Variants in ZNF862 observed in about 807,000 individuals in gnomAD.
The protein encoded by ZNF862 is zinc finger protein 862.
Under a neutral mutation model 91.1 loss-of-function variants are expected in ZNF862, and 64 were observed. The observed-to-expected ratio is 0.70, with a 90% CI of 0.57 to 0.87. ZNF862 has a LOEUF of 0.87. Ranked by LOEUF, ZNF862 falls within the 40% of genes least tolerant of loss-of-function variation. The pLI, the probability that ZNF862 is intolerant of heterozygous loss-of-function variation, is 0.00. For synonymous variants in ZNF862, 631 were observed against 618.1 expected (o/e 1.02, Z -0.31); for missense variants, 1,459 against 1,528.0 (o/e 0.95, Z 0.75).
At chr7:149,862,563 G>A (rs553592610) in intron 7 of ZNF862, 69 bp downstream of exon 7, 334 of 1,460,142 alleles carry the variant, frequency 2.3e-4, no homozygotes, top group Non-Finnish European at 1.5e-4. Context: ...AGACAGGACT[G>A]CAGGTGCCTG....
At chr7:149,838,769 C>T (rs1287213040) in intron 1 of ZNF862, 134 bp downstream of exon 1, 3 of 564,938 alleles carry the variant, frequency 5.3e-6, no homozygotes, top group African/African-American at 1.9e-5. Flanking sequence ...CCGGCCCGCC[C>T]TCTCTTCCCG....
chr7:149,844,751 C>A lies in ZNF862; in HGVS notation c.136+15C>A. 1 of 1,496,804 alleles carries A rather than the reference C, an allele frequency of 6.7e-7. No homozygotes were observed. The highest frequency in any genetic ancestry group is 9.2e-7 in the Non-Finnish European group (1 of 1,092,412). The allele number at this position is 1,496,804 out of a possible 1,614,324, so 92.7% of individuals were successfully genotyped here. ...GGCACCACTGGGTATGGGTGCCCAT[C>A]CACATCCCTGCCACTGTCAATTTAG... On this transcript the variant is annotated intron_variant, in intron 2 of 7. Coordinates refer to ENST00000223210, the MANE Select transcript of ZNF862 (RefSeq NM_001099220.3).
At chr7:149,851,042 C>A (rs767691427) in intron 5 of ZNF862, among the ~76,000 whole-genome samples, 9 of 152,240 alleles carry the variant, frequency 5.9e-5, no homozygotes, top group Non-Finnish European at 1.0e-4. Flanking sequence ...GCTGTTTTAT[C>A]TTCTCTTTGC....
intron 5 of ZNF862, among the ~76,000 whole-genome samples, chr7:149,852,337 TTGTGTG>T (rs10674865): frequency 1.0e-4 from 14 of 140,508 alleles, no homozygotes; most frequent in African/African-American, 2.4e-4. Context: ...GAACTCAGTT[TTGTGTG>T]TGTGTGTGTG....
At chr7:149,857,182 T>G (rs912198926) in intron 5 of ZNF862, among the ~76,000 whole-genome samples, 1 of 152,194 alleles carries the variant, frequency 6.6e-6, no homozygotes, top group African/African-American at 2.4e-5. Context: ...GGTCTTTCCC[T>G]GTTTGGGAAA....
At chr7:149,844,399 C>G (rs1233959575) in intron 1 of ZNF862, among the ~76,000 whole-genome samples, 1 of 152,150 alleles carries the variant, frequency 6.6e-6, no homozygotes, top group South Asian at 2.1e-4. Flanking sequence ...CCTGAGCCAG[C>G]CTCCTTCATG....
intron 1 of ZNF862, among the ~76,000 whole-genome samples, chr7:149,844,166 C>A (rs1218507833): frequency 1.3e-5 from 2 of 151,580 alleles, no homozygotes; most frequent in Non-Finnish European, 2.9e-5. Flanking sequence ...TAGATCTCAG[C>A]CCCAAAGCAT....
chr7:149,843,018 A>G (rs980810643), intron 1 of ZNF862, among the ~76,000 whole-genome samples: 2 of 152,258 alleles, frequency 1.3e-5, no homozygotes, highest in African/African-American at 4.8e-5. Context: ...ACATATTCAT[A>G]GACTAAAGAC....
chr7:149,862,627 G>A (rs1331693701), intron 7 of ZNF862, 133 bp downstream of exon 7: 14 of 1,001,500 alleles, frequency 1.4e-5, no homozygotes, highest in Admixed American at 5.8e-5. Flanking sequence ...TACTCGATGC[G>A]TGACATCCAC....
Position 149,860,660 on chromosome 7 carries a change from A to G in ZNF862, c.1500A>G (p.Ser500=). The change falls in exon 7 of 8, where the codon TCA becomes TCG. Residue 500 remains serine (S), a synonymous_variant. Coordinates refer to ENST00000223210, the MANE Select transcript of ZNF862 (RefSeq NM_001099220.3). ...AAAGACCTAATCTCCATGATAAATC[A>G]TCTCGGTTAGTCAGAGGTTACACGG... is the stretch of plus-strand genomic sequence containing the variant. ...CIERPNLHDK[S]SRLVRGYTGP... The G allele has an allele frequency of 6.2e-7, 1 of 1,614,010 alleles. No individual in the cohort carries two copies. The highest frequency in any genetic ancestry group is 8.5e-7 in the Non-Finnish European group (1 of 1,179,896).
chr7:149,862,286 G>A lies in ZNF862; in HGVS notation c.3126G>A (p.Gly1042=). ...VPISTSCCER[G]FKAMNRIRTD... The stretch of plus-strand genomic sequence containing the variant: ...TCTCCACCTCTTGCTGTGAGCGGGG[G>A]TTCAAGGCCATGAACCGAATCAGGA... The change falls in exon 7 of 8, where the codon GGG becomes GGA. Residue 1042 remains glycine, a synonymous_variant. Coordinates refer to ENST00000223210, the MANE Select transcript of ZNF862 (RefSeq NM_001099220.3). The A allele has an allele frequency of 6.2e-7, 1 of 1,613,680 alleles. No individual in the cohort carries two copies. Among genetic ancestry groups the A allele is most frequent in the Non-Finnish European group, 8.5e-7 (1 of 1,179,800 alleles).
In ZNF862 at chr7:149,844,218, A is replaced by G. The variant is rs373817505; in HGVS notation, c.25-407A>G. On this transcript the variant is annotated intron_variant, in intron 1 of 7. Transcript: ENST00000223210. The stretch of plus-strand genomic sequence containing the variant: ...CGACTTCATTCACAGACATAGTTCT[A>G]AATGACTTTCAGCTATTTCTAGAAA... Among the ~76,000 whole-genome samples, 5 of 152,202 alleles carry G rather than the reference A, an allele frequency of 3.3e-5. No homozygotes were observed. In the South Asian group the frequency reaches 1.0e-3, roughly 32 times the overall value.
At chr7:149,840,187 T>TAAAAAAAAAAAAAAAAAAAAAAAAAAA (rs60721842) in intron 1 of ZNF862, among the ~76,000 whole-genome samples, 2 of 41,250 alleles carry the variant, frequency 4.8e-5, no homozygotes, top group Non-Finnish European at 9.1e-5. Flanking sequence ...GCTTAAAAAG[T>TAAAAAAAAAAAAAAAAAAAAAAAAAAA]AAAAAAAAAA....
Position 149,848,443 on chromosome 7 carries a change from TATA to T in ZNF862, c.939+14_939+16del. 2 of 1,490,494 alleles carry T rather than the reference TATA, an allele frequency of 1.3e-6. No homozygotes were observed. Among genetic ancestry groups the T allele is most frequent in the South Asian group, 2.7e-5 (2 of 73,168 alleles). The allele number at this position is 1,490,494 out of a possible 1,614,324, so 92.3% of individuals were successfully genotyped here. ...GAATCCTGCATTCAGGTAATACGTTTATAATGATTGCTGTATCTTACAGAGAAG... is the reference window on the plus strand; with the variant it reads ...GAATCCTGCATTCAGGTAATACGTTTATGATTGCTGTATCTTACAGAGAAG... On this transcript the variant is annotated intron_variant, in intron 4 of 7. Transcript: ENST00000223210.
At chr7:149,846,059 C>T in intron 2 of ZNF862, 92 bp from the exon 3 acceptor site, 1 of 886,590 alleles carries the variant, frequency 1.1e-6, no homozygotes, top group Non-Finnish European at 1.8e-6. Flanking sequence ...AGAGATGTCG[C>T]AGACAGATAC....
At position 149,860,518 on chromosome 7, in the gene ZNF862, C is replaced by G. The variant is rs746759731; in HGVS notation, c.1358C>G (p.Pro453Arg). ...AGCATTTGTGAGGAAGGAGATGGACCTAGGAGAATCAAGAGGACATACAGG... is the reference window on the plus strand; with the variant it reads ...AGCATTTGTGAGGAAGGAGATGGACGTAGGAGAATCAAGAGGACATACAGG... ...SSSICEEGDG[P>R]RRIKRTYRPR... is the part of the protein sequence containing the mutation. Residue 453 changes from proline to arginine, a missense_variant, in exon 7 of 8, where the codon CCT becomes CGT. Physicochemically the swap from Pro to Arg is moderately radical, Grantham distance 103. Coordinates refer to ENST00000223210, the MANE Select transcript of ZNF862 (RefSeq NM_001099220.3). 2 of 1,613,920 alleles carry G rather than the reference C, an allele frequency of 1.2e-6. No homozygotes were observed. The highest frequency in any genetic ancestry group is 2.2e-5 in the East Asian group (1 of 44,884).
Position 149,850,525 on chromosome 7 carries a change from AC to A in ZNF862, c.1117+190del. 1 of 585,510 alleles carries A rather than the reference AC, an allele frequency of 1.7e-6. No individual in the cohort carries two copies. 36.3% of individuals were successfully genotyped at this position (585,510 alleles called of 1,614,324 possible). A position where few individuals can be genotyped will look rare whatever the true frequency, so the allele number is the denominator to read the frequency against. ...ACTGTGCTTTATCACCTTCTCATCC[AC>A]CCACCTGTTCATCCATTCGTCCCCC... On this transcript the variant is annotated intron_variant, in intron 5 of 7. Transcript: ENST00000223210. This position sits in a 1 kb window ranked among gnomAD's most constrained non-coding sequence, Gnocchi z 4.2.
At chr7:149,843,145 T>C (rs1801761054) in intron 1 of ZNF862, among the ~76,000 whole-genome samples, 1 of 152,220 alleles carries the variant, frequency 6.6e-6, no homozygotes, top group African/African-American at 2.4e-5. Flanking sequence ...TGCTTATTTC[T>C]ATTGTCCAAA....
In ZNF862 at chr7:149,859,192, T is replaced by C. The variant is rs1240813621; in HGVS notation, c.1118-230T>C. On this transcript the variant is annotated intron_variant, in intron 5 of 7. Coordinates refer to ENST00000223210, the MANE Select transcript of ZNF862 (RefSeq NM_001099220.3). ...TCCACCCTTCCCCCTCTGGTGTGTATGGCTGGCCCATGGATCTGAGGAAGC... is the reference window on the plus strand; with the variant it reads ...TCCACCCTTCCCCCTCTGGTGTGTACGGCTGGCCCATGGATCTGAGGAAGC... The C allele has an allele frequency of 2.2e-5, 13 of 579,500 alleles. No homozygotes were observed. The Admixed American group carries it at 3.2e-4, about 14-fold the overall frequency. 35.9% of individuals were successfully genotyped at this position (579,500 alleles called of 1,614,324 possible).
Sources: allele counts gnomAD v4.1 joint callset (sites outside exome capture counted in the v4.1 genomes callset), GRCh38; gene constraint gnomAD v4.1.1; non-coding constraint Gnocchi (gnomAD v3.1); transcripts MANE v1.5; gene names NCBI Gene and HGNC (gene_info 2026-07-23, HGNC 2026-07-21).